The following WNK1 variants were observed in gnomAD, a reference collection of about 807,000 sequenced individuals.
WNK1 encodes WNK lysine deficient protein kinase 1, also known as serine/threonine-protein kinase WNK1.
A neutral mutation model predicts 222.8 loss-of-function variants in WNK1; 38 were observed. The ratio of observed to expected loss-of-function variants is 0.17; its 90% confidence interval spans 0.13 to 0.22. WNK1 has a LOEUF of 0.22. Among genes scored for constraint, WNK1 ranks in the 10% least tolerant of loss-of-function variants. WNK1 has a pLI of 1.00. For synonymous variants in WNK1, 1,090 were observed against 1,092.9 expected (o/e 1.00, Z 0.05); for missense variants, 2,348 against 2,918.4 (o/e 0.80, Z 4.50).
At chr12:862,527 A>G (rs563401544) in intron 8 of WNK1, among the ~76,000 whole-genome samples, 1 of 152,348 alleles carries the variant, frequency 6.6e-6, no homozygotes, top group Non-Finnish European at 1.5e-5. Flanking sequence ...TCTCTTTAGC[A>G]CTTAAGATGT....
At chr12:867,709 C>G (rs1378625051) in intron 8 of WNK1, 3 of 840,586 alleles carry the variant, frequency 3.6e-6, no homozygotes, top group Non-Finnish European at 5.6e-6. Context: ...TGGATTTTTA[C>G]TATGCACATA....
chr12:857,369 C>T (rs1950865474), intron 5 of WNK1, 120 bp downstream of exon 5: 1 of 950,748 alleles, frequency 1.1e-6, no homozygotes, highest in Non-Finnish European at 1.7e-6. Context: ...CTATTTGTGC[C>T]TGTAACATTT....
chr12:792,549 C>T (rs1944944877), intron 1 of WNK1, among the ~76,000 whole-genome samples: 1 of 151,852 alleles, frequency 6.6e-6, no homozygotes, highest in African/African-American at 2.4e-5. Context: ...CTCCTGACCT[C>T]GTGATCCGCC....
At chr12:900,894 A>G (rs1955201385) in intron 26 of WNK1, 2 of 617,298 alleles carry the variant, frequency 3.2e-6, no homozygotes, top group African/African-American at 3.6e-5. Flanking sequence ...ATTACAGTGA[A>G]AAGTTACATC....
chr12:819,278 T>C (rs555829803), intron 2 of WNK1, among the ~76,000 whole-genome samples: 69 of 152,324 alleles, frequency 4.5e-4, no homozygotes, highest in Non-Finnish European at 7.4e-4. Flanking sequence ...AGATATTTTC[T>C]CCTATAGGTT....
intron 2 of WNK1, among the ~76,000 whole-genome samples, chr12:821,956 T>C (rs1323350450): frequency 6.6e-6 from 1 of 152,108 alleles, no homozygotes; most frequent in African/African-American, 2.4e-5. Context: ...AGTATATAGT[T>C]GGCTTTTTTT....
chr12:897,687 A>T lies in WNK1; in HGVS notation c.6448+6A>T. The T allele has an allele frequency of 6.2e-7, 1 of 1,614,008 alleles. No homozygotes were observed. The highest frequency in any genetic ancestry group is 8.5e-7 in the Non-Finnish European group (1 of 1,179,946). ...TAAAAGCCCCCAGCTTTCAGGTAAA[A>T]AGCCCTGGACTAGGTCAGCCACAGC... is the stretch of plus-strand genomic sequence containing the variant. On this transcript the variant is annotated splice_donor_region_variant and intron_variant, in intron 25 of 27. Transcript: ENST00000315939.
At chr12:895,973 G>A in intron 23 of WNK1, 98 bp from the exon 24 acceptor site, 1 of 1,516,048 alleles carries the variant, frequency 6.6e-7, no homozygotes, top group Non-Finnish European at 9.1e-7. Context: ...CTCTTTGACA[G>A]GGAAATAAAG....
Position 881,671 on chromosome 12 carries a change from A to G in WNK1, c.3112-21A>G, listed in dbSNP as rs72650714. On this transcript the variant is annotated intron_variant, in intron 12 of 27. Transcript: ENST00000315939. The stretch of plus-strand genomic sequence containing the variant: ...ATAAATCTATTACTACCGAGATTTG[A>G]GTTATCTTTTCGATTCACAGAGTAC... The G allele has an allele frequency of 7.2e-5, 114 of 1,584,990 alleles. No homozygotes were observed. In the African/African-American group the frequency reaches 1.4e-3, roughly 19 times the overall value.
chr12:787,625 TAA>T (rs1360441733), intron 1 of WNK1, among the ~76,000 whole-genome samples: 1 of 152,102 alleles, frequency 6.6e-6, no homozygotes, highest in South Asian at 2.1e-4. Flanking sequence ...TCTGTGTGTT[TAA>T]AAAAAATCTT....
At position 868,064 on chromosome 12, in the gene WNK1, G is replaced by A. The variant is rs771816071; in HGVS notation, c.2140-3201G>A. On this transcript the variant is annotated intron_variant, in intron 8 of 27. Coordinates refer to ENST00000315939, the MANE Select transcript of WNK1 (RefSeq NM_018979.4). ...CCACTTCCAACCCCTGCTGAGGACTGTTGGCCAAAGTCTTCTTCCACCTGG... is the reference window on the plus strand; with the variant it reads ...CCACTTCCAACCCCTGCTGAGGACTATTGGCCAAAGTCTTCTTCCACCTGG... 6.2e-7 allele frequency: 1 copy of A among 1,613,902 alleles called. No individual in the cohort carries two copies. The highest frequency in any genetic ancestry group is 1.3e-5 in the African/African-American group (1 of 74,908).
At chr12:829,602 T>A (rs541593282) in intron 3 of WNK1, among the ~76,000 whole-genome samples, 6 of 152,346 alleles carry the variant, frequency 3.9e-5, no homozygotes, top group African/African-American at 1.4e-4. Flanking sequence ...ACCCATCATC[T>A]TATCTTACAG....
At chr12:775,167 T>C (rs1942957899) in intron 1 of WNK1, among the ~76,000 whole-genome samples, 1 of 152,196 alleles carries the variant, frequency 6.6e-6, no homozygotes, top group Non-Finnish European at 1.5e-5. Flanking sequence ...ATACAAAAAA[T>C]AGATTTTTAA....
intron 1 of WNK1, among the ~76,000 whole-genome samples, chr12:804,897 A>ATAATTTTATATTT (rs1555100408): frequency 9.0e-5 from 1 of 11,060 alleles, no homozygotes; most frequent in Admixed American, 1.1e-3. Context: ...AATTTGGTAC[A>ATAATTTTATATTT]TATTTTTATA....
intron 1 of WNK1, among the ~76,000 whole-genome samples, chr12:804,475 C>T (rs989334457): frequency 6.6e-6 from 1 of 151,318 alleles, no homozygotes; most frequent in Non-Finnish European, 1.5e-5. Context: ...CAGGTTCAAG[C>T]GATTCTCCTG....
chr12:850,235 T>G (rs896335324), intron 4 of WNK1, among the ~76,000 whole-genome samples: 3 of 152,194 alleles, frequency 2.0e-5, no homozygotes, highest in African/African-American at 4.8e-5. Flanking sequence ...ACCTGTTGTT[T>G]CCTGACTTTT....
chr12:851,434 G>T (rs1950413639), intron 4 of WNK1: 2 of 1,128,368 alleles, frequency 1.8e-6, no homozygotes, highest in African/African-American at 3.2e-5. Context: ...ATTACTGTTG[G>T]CAGAGAAGCA....
At chr12:866,397 T>C (rs1485063172) in intron 8 of WNK1, among the ~76,000 whole-genome samples, 1 of 152,244 alleles carries the variant, frequency 6.6e-6, no homozygotes, top group African/African-American at 2.4e-5. Context: ...GGAATCTCGC[T>C]CTGTCGCCAG....
chr12:764,122 C>T lies in WNK1; in HGVS notation c.759+9798C>T, dbSNP rs1006843489. ...TGAAATAATGGAAGTAAATGAGATA[C>T]GCTAGGGAGAGGATATGAAGAGATA... On this transcript the variant is annotated intron_variant, in intron 1 of 27. Transcript: ENST00000315939. Among the ~76,000 whole-genome samples the T allele has an allele frequency of 1.1e-4, 16 of 146,418 alleles. 3 individuals are homozygous for T. Among genetic ancestry groups the T allele is most frequent in the African/African-American group, 3.7e-4 (15 of 40,882 alleles).
Sources: gnomAD v4.1 joint callset for allele counts (sites outside exome capture counted in the v4.1 genomes callset) on GRCh38, gnomAD v4.1.1 for gene constraint, MANE v1.5 for transcripts, NCBI Gene and HGNC (gene_info 2026-07-23, HGNC 2026-07-21) for gene names.